OR5V1: variants seen among roughly 807,000 people sequenced by gnomAD.
The protein encoded by OR5V1 is olfactory receptor 5V1.
For missense variants in OR5V1, 365 were observed against 371.5 expected (o/e 0.98, Z 0.14); for synonymous variants, 134 against 143.2 (o/e 0.94, Z 0.46).
rs1169477681 is a variant in OR5V1, at chr6:29,357,806, C to G, written c.-82-1529G>C. 1.1e-4 allele frequency among the ~76,000 whole-genome samples: 16 copies of G among 151,906 alleles called. No individual in the cohort carries two copies. In the East Asian group the frequency reaches 2.9e-3, roughly 28 times the overall value. ...AATTAAAACAGTTGTAGGGAGAATCCCCTAATTTAAAATGCTCAGGGCCTA... is the reference window on the plus strand; with the variant it reads ...AATTAAAACAGTTGTAGGGAGAATCGCCTAATTTAAAATGCTCAGGGCCTA... On this transcript the variant is annotated intron_variant, in intron 1 of 1. Transcript: ENST00000641768.
intron 1 of OR5V1, among the ~76,000 whole-genome samples, chr6:29,361,517 A>G (rs1326832897): frequency 6.6e-6 from 1 of 152,176 alleles, no homozygotes; most frequent in Non-Finnish European, 1.5e-5. Context: ...AAAAAATGTT[A>G]AGGACAGTCA....
At chr6:29,364,359 G>A (rs555848559) in intron 1 of OR5V1, among the ~76,000 whole-genome samples, 3 of 152,086 alleles carry the variant, frequency 2.0e-5, no homozygotes, top group Non-Finnish European at 4.4e-5. Flanking sequence ...TGTGTAAATG[G>A]CCATACTGCC....
chr6:29,365,254 C>T (rs1460135346), intron 1 of OR5V1, among the ~76,000 whole-genome samples: 1 of 150,884 alleles, frequency 6.6e-6, no homozygotes, highest in Non-Finnish European at 1.5e-5. Context: ...GACTTCATGA[C>T]TAAAACACCA....
At position 29,357,779 on chromosome 6, in the gene OR5V1, A is replaced by T. The variant is rs144868572; in HGVS notation, c.-82-1502T>A. ...AAGTTGGTTAATAAAAATGTTTAAT[A>T]AAATTAAAACAGTTGTAGGGAGAAT... On this transcript the variant is annotated intron_variant, in intron 1 of 1. Transcript: ENST00000641768. Among the ~76,000 whole-genome samples the T allele has an allele frequency of 3.9e-3, 591 of 152,328 alleles. 2 individuals carry two copies. Among genetic ancestry groups the T allele is most frequent in the African/African-American group, 0.014 (582 of 41,594 alleles).
At position 29,354,976 on chromosome 6, in the gene OR5V1, A is replaced by ATC. The variant is rs1778181956; in HGVS notation, c.*253_*254insGA. 5.5e-6 allele frequency: 2 copies of ATC among 366,502 alleles called. No homozygotes were observed. The highest frequency in any genetic ancestry group is 4.2e-5 in the African/African-American group (2 of 47,792). 22.7% of individuals were successfully genotyped at this position (366,502 alleles called of 1,614,324 possible). A position where few individuals can be genotyped will look rare whatever the true frequency, so the allele number is the denominator to read the frequency against. On this transcript the variant is annotated 3_prime_UTR_variant, in exon 2 of 2. Transcript: ENST00000641768. The stretch of plus-strand genomic sequence containing the variant: ...ATGAAGTCCATTAAACAAATATCTC[A>ATC]TGAAAGAGGGAAACAGTCTTTGAAT...
At position 29,355,456 on chromosome 6, in the gene OR5V1, A is replaced by G. The variant is rs2151268742; in HGVS notation, c.740T>C (p.Ile247Thr). Residue 247 changes from isoleucine (I) to threonine (T), a missense_variant, in exon 2 of 2, where the codon ATT becomes ACT. Transcript: ENST00000641768. ...GGCGCTGCCATAAAAGAGAAAGACA[A>G]TGGCCAGGTGGGAGGCACATGTAGA... ...AFSTCASHLA[I>T]VFLFYGSAIF... 6.2e-7 allele frequency: 1 copy of G among 1,613,982 alleles called. No homozygotes were observed. Among genetic ancestry groups the G allele is most frequent in the South Asian group, 1.1e-5 (1 of 91,086 alleles).
chr6:29,363,493 CA>C (rs1327210207), intron 1 of OR5V1, among the ~76,000 whole-genome samples: 2 of 151,942 alleles, frequency 1.3e-5, no homozygotes, highest in South Asian at 4.2e-4. Flanking sequence ...AAAGACACAA[CA>C]AAAAAAGAAA....
At chr6:29,359,003 G>A (rs1488150448) in intron 1 of OR5V1, among the ~76,000 whole-genome samples, 1 of 152,130 alleles carries the variant, frequency 6.6e-6, no homozygotes, top group Non-Finnish European at 1.5e-5. Context: ...TTAGCCTGCT[G>A]TACTCATTCC....
chr6:29,356,003 T>C lies in OR5V1; in HGVS notation c.193A>G (p.Asn65Asp), dbSNP rs1332126908. ...LHTPMYYFLG[N>D]LAFIDICYTT... is the part of the protein sequence containing the mutation. ...TAGCAGATGTCAATAAAGGCCAAGT[T>C]CCCTAGAAAATAATACATAGGTGTA... The change falls in exon 2 of 2, where the codon AAC becomes GAC. Residue 65 changes from asparagine to aspartate, a missense_variant. Physicochemically the swap from Asn to Asp is conservative, Grantham distance 23. Coordinates refer to ENST00000641768, the MANE Select transcript of OR5V1 (RefSeq NM_030876.6). 1 of 1,613,862 alleles carries C rather than the reference T, an allele frequency of 6.2e-7. No individual in the cohort carries two copies. Among genetic ancestry groups the C allele is most frequent in the African/African-American group, 1.3e-5 (1 of 74,890 alleles).
chr6:29,366,592 C>T (rs1334806292), intron 1 of OR5V1, among the ~76,000 whole-genome samples: 4 of 151,920 alleles, frequency 2.6e-5, no homozygotes, highest in Non-Finnish European at 5.9e-5. Context: ...TAATTTCCTG[C>T]ATGTAGAAGC....
At chr6:29,367,858 A>G (rs1370241352) in intron 1 of OR5V1, among the ~76,000 whole-genome samples, 1 of 152,160 alleles carries the variant, frequency 6.6e-6, no homozygotes, top group Non-Finnish European at 1.5e-5. Flanking sequence ...CCAAGCAGCC[A>G]TGGTCTTGAC....
rs1033383828 is a variant in OR5V1 at position 29,362,262 on chromosome 6, A to G, written c.-82-5985T>C. 2.0e-5 allele frequency among the ~76,000 whole-genome samples: 3 copies of G among 152,352 alleles called. No individual in the cohort carries two copies. The South Asian group carries it at 6.2e-4, about 32-fold the overall frequency. On this transcript the variant is annotated intron_variant, in intron 1 of 1. Transcript: ENST00000641768. The stretch of plus-strand genomic sequence containing the variant: ...ACTATCCTAAATACATATGCACCCA[A>G]TAAAGGAGCACCCAGATTCATAAAA...
intron 1 of OR5V1, among the ~76,000 whole-genome samples, chr6:29,362,389 A>G (rs1323757218): frequency 6.6e-6 from 1 of 152,262 alleles, no homozygotes; most frequent in African/African-American, 2.4e-5. Context: ...GAGACAGAAA[A>G]TTATCAAGAA....
At position 29,356,202 on chromosome 6, in the gene OR5V1, G is replaced by A. The variant is rs767486811; in HGVS notation, c.-7C>T. Reference sequence around the variant, plus strand: ...TTTGATTCTTTCTTTCCATGATGTCGCCTGGTTTCCTTTCAGGAATTGGGC... The same window carrying A: ...TTTGATTCTTTCTTTCCATGATGTCACCTGGTTTCCTTTCAGGAATTGGGC... On this transcript the variant is annotated 5_prime_UTR_variant, in exon 2 of 2. Coordinates refer to ENST00000641768, the MANE Select transcript of OR5V1 (RefSeq NM_030876.6). The A allele has an allele frequency of 1.4e-5, 22 of 1,548,890 alleles. No individual in the cohort carries two copies. The Admixed American group carries it at 2.1e-4, about 15-fold the overall frequency.
In OR5V1 at chr6:29,355,748, C is replaced by G; in HGVS notation, c.448G>C (p.Ala150Pro). 6.2e-7 allele frequency: 1 copy of G among 1,614,042 alleles called. No individual in the cohort carries two copies. Among genetic ancestry groups the G allele is most frequent in the Non-Finnish European group, 8.5e-7 (1 of 1,179,962 alleles). The part of the protein sequence containing the change: ...LCNQLAASCW[A>P]AGFLNSVVHT... ...ACCACTGAGTTAAGGAAACCAGCAG[C>G]CCAGCATGAGGCTGCTAATTGATTG... Residue 150 changes from alanine to proline, a missense_variant, in exon 2 of 2, where the codon GCT (alanine) becomes CCT (proline). Ala to Pro is a conservative substitution (Grantham distance 27). Coordinates refer to ENST00000641768, the MANE Select transcript of OR5V1 (RefSeq NM_030876.6).
In OR5V1 at chr6:29,355,903, A is replaced by C; in HGVS notation, c.293T>G (p.Val98Gly). 6.2e-7 allele frequency: 1 copy of C among 1,614,050 alleles called. No homozygotes were observed. The highest frequency in any genetic ancestry group is 8.5e-7 in the Non-Finnish European group (1 of 1,179,964). The change falls in exon 2 of 2, where the codon GTG becomes GGG. Residue 98 changes from valine (V) to glycine (G), a missense_variant. Physicochemically the swap from Val to Gly is moderately radical, Grantham distance 109. Transcript: ENST00000641768. The stretch of plus-strand genomic sequence containing the variant: ...GAAAACAAATGCAAAAAGTTGAACC[A>C]CACACCCCACATAAGAAATGCTTTT... ...KKKSISYVGC[V>G]VQLFAFVFFV...
chr6:29,359,325 A>G (rs578046923), intron 1 of OR5V1, among the ~76,000 whole-genome samples: 12 of 152,338 alleles, frequency 7.9e-5, no homozygotes, highest in Non-Finnish European at 1.2e-4. Context: ...AAATTTTAAA[A>G]TAAGTTTCAG....
At chr6:29,368,314 G>T (rs1377014635) in intron 1 of OR5V1, among the ~76,000 whole-genome samples, 1 of 152,164 alleles carries the variant, frequency 6.6e-6, no homozygotes, top group East Asian at 1.9e-4. Context: ...CAGTCCAGTG[G>T]CATTTTAGTC....
In OR5V1 at chr6:29,355,741, C is replaced by T. The variant is rs142085955; in HGVS notation, c.455G>A (p.Gly152Asp). 4.3e-6 allele frequency: 7 copies of T among 1,614,020 alleles called. No homozygotes were observed. In the East Asian group the frequency reaches 1.6e-4, roughly 36 times the overall value. The change falls in exon 2 of 2, where the codon GGT (glycine) becomes GAT (aspartate). Residue 152 changes from glycine (G) to aspartate (D), a missense_variant. Physicochemically the swap from Gly to Asp is moderately conservative, Grantham distance 94. Transcript: ENST00000641768. ...TGTATGCACCACTGAGTTAAGGAAA[C>T]CAGCAGCCCAGCATGAGGCTGCTAA... is the stretch of plus-strand genomic sequence containing the variant. Reference protein sequence around the residue: ...NQLAASCWAAGFLNSVVHTVL... With the variant: ...NQLAASCWAADFLNSVVHTVL...
Sources: allele counts gnomAD v4.1 joint callset (sites outside exome capture counted in the v4.1 genomes callset), GRCh38; gene constraint gnomAD v4.1.1; transcripts MANE v1.5; gene names NCBI Gene and HGNC (gene_info 2026-07-23, HGNC 2026-07-21).